The following DMD variants were observed in gnomAD, a reference collection of about 807,000 sequenced individuals.
The protein encoded by DMD is dystrophin, also known as mutant dystrophin.
In DMD, 63 loss-of-function variants were observed where a neutral mutation model predicts 330.1. The ratio of observed to expected loss-of-function variants is 0.19; its 90% CI spans 0.16 to 0.24. The LOEUF (loss-of-function observed/expected upper bound fraction) is 0.24. Ranked by LOEUF, DMD falls within the 10% of genes least tolerant of loss-of-function variation. The pLI, the probability that DMD is intolerant of heterozygous loss-of-function variation, is 1.00. For missense variants in DMD, 3,344 were observed against 2,684.1 expected (o/e 1.25, Z -5.43); for synonymous variants, 1,223 against 959.8 (o/e 1.27, Z -5.07).
intron 62 of DMD, among the ~76,000 whole-genome samples, chrX:31,319,420 G>T (rs5972370): frequency 0.048 from 5,346 of 111,999 alleles, 298 homozygotes; most frequent in African/African-American, 0.16. Flanking sequence ...TGAGGTTAAA[G>T]GATGCAGATT....
chrX:33,036,969 C>T lies in DMD; in HGVS notation c.32-16769G>A, dbSNP rs765010958. Among the ~76,000 whole-genome samples, 5 of 110,857 alleles carry T rather than the reference C, an allele frequency of 4.5e-5. No individual in the cohort carries two copies. The South Asian group carries it at 1.5e-3, about 34-fold the overall frequency. ...TCATGGTCTGCTACATGAGGAACAG[C>T]GGAAGCCAATCTGCAATAAAAAAGA... On this transcript the variant is annotated intron_variant, in intron 1 of 78. Coordinates refer to ENST00000357033, the MANE Select transcript of DMD (RefSeq NM_004006.3).
chrX:32,470,015 A>G (rs1396606547), intron 22 of DMD, among the ~76,000 whole-genome samples: 1 of 111,542 alleles, frequency 9.0e-6, no homozygotes, highest in African/African-American at 3.2e-5. Flanking sequence ...TTCATATTGA[A>G]TTTACATTTC....
In DMD at chrX:32,841,100, G is replaced by C. The variant is rs968502635; in HGVS notation, c.264+3683C>G. 6.3e-5 allele frequency among the ~76,000 whole-genome samples: 7 copies of C among 111,447 alleles called. No homozygotes were observed. In the East Asian group the frequency reaches 1.7e-3, roughly 27 times the overall value. ...CAGTCATTTTGGTAATTTTGTACTG[G>C]TATCTCATTACAGCTCTAATTTAAA... is the stretch of plus-strand genomic sequence containing the variant. On this transcript the variant is annotated intron_variant, in intron 4 of 78. Transcript: ENST00000357033.
intron 9 of DMD, among the ~76,000 whole-genome samples, chrX:32,662,052 A>G (rs769979768): frequency 2.7e-5 from 3 of 111,419 alleles, no homozygotes; most frequent in Non-Finnish European, 5.7e-5. Flanking sequence ...TCACATAGTG[A>G]GATAATCAAT....
At chrX:31,760,679 T>C (rs993416671) in intron 51 of DMD, among the ~76,000 whole-genome samples, 1 of 111,828 alleles carries the variant, frequency 8.9e-6, no homozygotes, top group Non-Finnish European at 1.9e-5. Context: ...TTTCTCCGAA[T>C]GTATATCTGT....
chrX:31,551,510 G>A (rs895577608), intron 55 of DMD, among the ~76,000 whole-genome samples: 3 of 111,883 alleles, frequency 2.7e-5, no homozygotes, highest in Non-Finnish European at 5.6e-5. Flanking sequence ...ACAGGATCAT[G>A]GACTCAAAAT....
intron 1 of DMD, among the ~76,000 whole-genome samples, chrX:33,063,810 T>C (rs1027371345): frequency 3.6e-5 from 4 of 110,427 alleles, no homozygotes; most frequent in Non-Finnish European, 7.6e-5. Flanking sequence ...TGGTTGAAAA[T>C]TGCAGTCCTA....
At chrX:32,180,723 A>G (rs1228352226) in intron 44 of DMD, among the ~76,000 whole-genome samples, 1 of 111,783 alleles carries the variant, frequency 8.9e-6, no homozygotes, top group Non-Finnish European at 1.9e-5. Context: ...ATCGTGGCAT[A>G]AGGTGAGAAG....
intron 61 of DMD, among the ~76,000 whole-genome samples, chrX:31,338,779 A>G (rs766889091): frequency 6.3e-5 from 7 of 110,420 alleles, no homozygotes; most frequent in Non-Finnish European, 1.3e-4. Flanking sequence ...TAAATCCGGG[A>G]AAGTCCCAGA....
intron 45 of DMD, among the ~76,000 whole-genome samples, chrX:31,941,057 T>A (rs960330073): frequency 7.8e-4 from 87 of 111,829 alleles, no homozygotes; most frequent in African/African-American, 2.6e-3. Context: ...CTTTAATAGA[T>A]CCAATCAACT....
In DMD at chrX:32,345,516, T is replaced by C. The variant is rs140685665; in HGVS notation, c.5586+427A>G. ...AATAAATAAAAGAATCTAGGGCTTA[T>C]TAAACAAGTATCAGGTTACCAAAAA... On this transcript the variant is annotated intron_variant, in intron 39 of 78. Coordinates refer to ENST00000357033, the MANE Select transcript of DMD (RefSeq NM_004006.3). Among the ~76,000 whole-genome samples, 387 of 111,411 alleles carry C rather than the reference T, an allele frequency of 3.5e-3. 12 individuals are homozygous for C. In the East Asian group the frequency reaches 0.09, roughly 26 times the overall value.
rs183331778 is a variant in DMD at position 31,621,093 on chromosome X, C to T, written c.8217+6580G>A. 3.1e-3 allele frequency among the ~76,000 whole-genome samples: 349 copies of T among 111,747 alleles called. 3 individuals are homozygous for T. The highest frequency in any genetic ancestry group is 0.011 in the African/African-American group (327 of 30,773). ...CAGATACCTCAAAATCAAACACGTTCTTGACTTTGCTCCTCACAACTGTTT... is the reference window on the plus strand; with the variant it reads ...CAGATACCTCAAAATCAAACACGTTTTTGACTTTGCTCCTCACAACTGTTT... On this transcript the variant is annotated intron_variant, in intron 55 of 78. Transcript: ENST00000357033.
chrX:32,150,670 A>G (rs1403037469), intron 44 of DMD, among the ~76,000 whole-genome samples: 1 of 111,644 alleles, frequency 9.0e-6, no homozygotes, highest in Non-Finnish European at 1.9e-5. Context: ...TATTGATAAC[A>G]GTATTAAGGA....
At chrX:31,490,028 A>T (rs150858684) in intron 57 of DMD, among the ~76,000 whole-genome samples, 278 of 112,016 alleles carry the variant, frequency 2.5e-3, no homozygotes, top group African/African-American at 8.8e-3. Context: ...GAAGACTTAG[A>T]CTTAGTTTTC....
At chrX:31,333,890 G>A (rs1156537058) in intron 61 of DMD, among the ~76,000 whole-genome samples, 1 of 111,172 alleles carries the variant, frequency 9.0e-6, no homozygotes, top group African/African-American at 3.3e-5. Context: ...GAACAGAAGG[G>A]CGGTAAGGAG....
intron 2 of DMD, among the ~76,000 whole-genome samples, chrX:33,010,261 A>ATGTGTGTATATGTGTAC (rs2093670341): frequency 9.5e-5 from 5 of 52,365 alleles, no homozygotes; most frequent in Non-Finnish European, 4.8e-5. Flanking sequence ...TATATGTACA[A>ATGTGTGTATATGTGTAC]ATATGTGTGT....
intron 39 of DMD, 144 bp from the exon 40 acceptor site, chrX:32,343,430 G>T (rs901677632): frequency 3.5e-6 from 2 of 565,207 alleles, no homozygotes; most frequent in African/African-American, 2.3e-5. Context: ...AATATACAAA[G>T]ACATAATTAA....
At chrX:33,072,156 G>A (rs981687137) in intron 1 of DMD, among the ~76,000 whole-genome samples, 7 of 112,217 alleles carry the variant, frequency 6.2e-5, no homozygotes, top group Admixed American at 1.9e-4. Context: ...GGTGGCTCAC[G>A]CCTGTAATCC....
intron 67 of DMD, among the ~76,000 whole-genome samples, chrX:31,191,304 G>T (rs772563154): frequency 7.2e-4 from 80 of 111,556 alleles, no homozygotes; most frequent in Non-Finnish European, 1.2e-3. Flanking sequence ...TCCATAAATA[G>T]AATTCCTAAA....
Sources: gnomAD v4.1 joint callset for allele counts (sites outside exome capture counted in the v4.1 genomes callset) on GRCh38, gnomAD v4.1.1 for gene constraint, MANE v1.5 for transcripts, NCBI Gene and HGNC (gene_info 2026-07-23, HGNC 2026-07-21) for gene names.